Variants in KIF13A observed in about 807,000 individuals in gnomAD.
KIF13A encodes the protein kinesin-like protein KIF13A.
In KIF13A, 79 loss-of-function variants were observed where a neutral mutation model predicts 212.2. That is an observed-to-expected ratio of 0.37 (90% CI 0.31 to 0.45). The LOEUF is 0.45. Ranked by LOEUF, KIF13A falls within the 20% of genes least tolerant of loss-of-function variation. The pLI is 1.00. For synonymous variants in KIF13A, 789 were observed against 808.6 expected, an observed-to-expected ratio of 0.98 and a Z score of 0.41; for missense variants, 1,901 against 2,209.0, an observed-to-expected ratio of 0.86 and a Z score of 2.79.
chr6:17,984,204 C>T lies in KIF13A; in HGVS notation c.146+2850G>A, dbSNP rs1781349740. 6.6e-6 allele frequency among the ~76,000 whole-genome samples: 1 copy of T among 152,174 alleles called. No homozygotes were observed. Among genetic ancestry groups the T allele is most frequent in the African/African-American group, 2.4e-5 (1 of 41,436 alleles). ...AAGTATACACCAGCGTAATTTACCACGTTGTATTTTAACTACTTTTTCCTC... is the reference window on the plus strand; with the variant it reads ...AAGTATACACCAGCGTAATTTACCATGTTGTATTTTAACTACTTTTTCCTC... On this transcript the variant is annotated intron_variant, in intron 2 of 38. Coordinates refer to ENST00000259711, the MANE Select transcript of KIF13A (RefSeq NM_022113.6). This position sits in a 1 kb window ranked among gnomAD's most constrained non-coding sequence, Gnocchi z 5.0.
At chr6:17,862,751 A>G (rs147883713) in intron 4 of KIF13A, among the ~76,000 whole-genome samples, 2,775 of 152,270 alleles carry the variant, frequency 0.018, 95 homozygotes, top group African/African-American at 0.063. Context: ...GATTGAGACC[A>G]ACCTGGCTAA....
At position 17,777,246 on chromosome 6, in the gene KIF13A, T is replaced by C. The variant is rs769106211; in HGVS notation, c.4170+31A>G. 11 of 1,564,722 alleles carry C rather than the reference T, an allele frequency of 7.0e-6. No homozygotes were observed. The highest frequency in any genetic ancestry group is 1.7e-4 in the Middle Eastern group (1 of 6,006). ...ACCCCAGAGGCTGCGACATGTCACA[T>C]AGGAGCAGATCCTTGGCAGGATGCA... is the stretch of plus-strand genomic sequence containing the variant. On this transcript the variant is annotated intron_variant, in intron 34 of 38. Transcript: ENST00000259711. The surrounding 1 kb of genome is among the most constrained non-coding windows in gnomAD (Gnocchi z 4.4).
chr6:17,902,372 A>G (rs1475601630), intron 2 of KIF13A, among the ~76,000 whole-genome samples: 1 of 152,238 alleles, frequency 6.6e-6, no homozygotes, highest in Admixed American at 6.5e-5. Flanking sequence ...TAAACTAAAT[A>G]CAATTTGACA....
intron 4 of KIF13A, among the ~76,000 whole-genome samples, chr6:17,868,525 G>A (rs1240308547): frequency 1.3e-5 from 2 of 150,980 alleles, no homozygotes; most frequent in Non-Finnish European, 2.9e-5. Context: ...CCATGCTCCA[G>A]GTATCTAATT....
chr6:17,852,459 G>A (rs147497056), intron 6 of KIF13A, among the ~76,000 whole-genome samples: 6 of 152,194 alleles, frequency 3.9e-5, no homozygotes, highest in South Asian at 2.1e-4. Flanking sequence ...TCACTCTGTC[G>A]CCCAGGCTAG....
At chr6:17,885,191 C>A (rs936598319) in intron 3 of KIF13A, among the ~76,000 whole-genome samples, 2 of 152,064 alleles carry the variant, frequency 1.3e-5, no homozygotes, top group African/African-American at 4.8e-5. Context: ...ACCCCAGCAC[C>A]AAGAGCCTGT....
rs1317812848 is a variant in KIF13A, at chr6:17,963,589, G to A, written c.146+23465C>T. 1.3e-5 allele frequency among the ~76,000 whole-genome samples: 2 copies of A among 152,224 alleles called. No individual in the cohort carries two copies. Among genetic ancestry groups the A allele is most frequent in the Non-Finnish European group, 2.9e-5 (2 of 68,050 alleles). ...CTTTCTTTTTTTGAGACAGAGTCTT[G>A]CTGTGTCGCCTAGGCTGGAGTGCTG... On this transcript the variant is annotated intron_variant, in intron 2 of 38. Transcript: ENST00000259711. This position sits in a 1 kb window ranked among gnomAD's most constrained non-coding sequence, Gnocchi z 4.1.
chr6:17,867,754 T>A (rs192360650), intron 4 of KIF13A, among the ~76,000 whole-genome samples: 13 of 152,350 alleles, frequency 8.5e-5, no homozygotes, highest in African/African-American at 2.2e-4. Flanking sequence ...ATTGTAGAAC[T>A]CAGCTAAGAA....
rs1026106501 is a variant in KIF13A, at chr6:17,766,037, A to G, written c.4582-1091T>C. 2.6e-5 allele frequency among the ~76,000 whole-genome samples: 4 copies of G among 152,284 alleles called. 1 individual carries two copies. The East Asian group carries it at 5.8e-4, about 22-fold the overall frequency. On this transcript the variant is annotated intron_variant, in intron 38 of 38. Transcript: ENST00000259711. ...ACAATCCTGGATGCTGCATGGATGG[A>G]TAAGAATTTCATTCACAGGTAAACT...
chr6:17,946,830 A>T (rs1321747036), intron 2 of KIF13A, among the ~76,000 whole-genome samples: 1 of 152,242 alleles, frequency 6.6e-6, no homozygotes, highest in African/African-American at 2.4e-5. Flanking sequence ...GAACTGTAGT[A>T]TATTCATACA....
chr6:17,886,260 G>C lies in KIF13A; in HGVS notation c.159+11908C>G, dbSNP rs903214213. 7.2e-5 allele frequency among the ~76,000 whole-genome samples: 11 copies of C among 152,174 alleles called. No individual in the cohort carries two copies. The highest frequency in any genetic ancestry group is 1.5e-5 in the Non-Finnish European group (1 of 68,036). The stretch of plus-strand genomic sequence containing the variant: ...CTCATTTCTTGTGCCTATCTCTCCA[G>C]TCCCCTCTGCCTCACTGCACCATGC... On this transcript the variant is annotated intron_variant, in intron 3 of 38. Coordinates refer to ENST00000259711, the MANE Select transcript of KIF13A (RefSeq NM_022113.6). The surrounding 1 kb of genome is among the most constrained non-coding windows in gnomAD (Gnocchi z 5.6).
At chr6:17,974,001 T>A (rs758303422) in intron 2 of KIF13A, among the ~76,000 whole-genome samples, 1 of 152,254 alleles carries the variant, frequency 6.6e-6, no homozygotes, top group Non-Finnish European at 1.5e-5. Context: ...CCCTCTAATG[T>A]AATTCAAGTA....
At chr6:17,927,651 C>A (rs190985684) in intron 2 of KIF13A, among the ~76,000 whole-genome samples, 22 of 152,270 alleles carry the variant, frequency 1.4e-4, no homozygotes, top group African/African-American at 4.3e-4. Context: ...CACTTTTAAA[C>A]GGCTAAAATG....
chr6:17,853,169 C>A (rs780581609), intron 6 of KIF13A, among the ~76,000 whole-genome samples: 28 of 152,092 alleles, frequency 1.8e-4, no homozygotes, highest in Admixed American at 3.3e-4. Flanking sequence ...TCAGTTATGC[C>A]GTTTCATTTC....
At position 17,805,628 on chromosome 6, in the gene KIF13A, G is replaced by C; in HGVS notation, c.2164-13C>G. On this transcript the variant is annotated splice_polypyrimidine_tract_variant and intron_variant, in intron 18 of 38. Transcript: ENST00000259711. ...CTATTGCACCTCTCTGCATAAGGAA[G>C]AAAAACAAAACAAACCCTGTTATAA... The C allele has an allele frequency of 6.3e-7, 1 of 1,583,472 alleles. No individual in the cohort carries two copies. Among genetic ancestry groups the C allele is most frequent in the Non-Finnish European group, 8.6e-7 (1 of 1,163,914 alleles).
At chr6:17,848,307 C>G (rs559699880) in intron 9 of KIF13A, among the ~76,000 whole-genome samples, 5 of 152,238 alleles carry the variant, frequency 3.3e-5, no homozygotes, top group African/African-American at 4.8e-5. Context: ...AACATACTGT[C>G]AATTACAGTC....
intron 14 of KIF13A, among the ~76,000 whole-genome samples, chr6:17,827,267 G>A (rs996456231): frequency 1.3e-5 from 2 of 150,134 alleles, no homozygotes; most frequent in East Asian, 4.0e-4. Context: ...CTCATTTTTC[G>A]TATTTTTTTG....
At chr6:17,943,252 C>T (rs1014598086) in intron 2 of KIF13A, among the ~76,000 whole-genome samples, 1 of 152,046 alleles carries the variant, frequency 6.6e-6, no homozygotes, top group Non-Finnish European at 1.5e-5. Flanking sequence ...AAGAACTGGT[C>T]ACTGAAAAAC....
intron 2 of KIF13A, chr6:17,950,649 T>C (rs1777768725): frequency 2.0e-6 from 2 of 985,254 alleles, no homozygotes. Flanking sequence ...TATCTCTCAA[T>C]CTGAGGAATT....
Sources: gnomAD v4.1 joint callset for allele counts (sites outside exome capture counted in the v4.1 genomes callset) on GRCh38, gnomAD v4.1.1 for gene constraint, Gnocchi (gnomAD v3.1) non-coding constraint, MANE v1.5 for transcripts, NCBI Gene and HGNC (gene_info 2026-07-23, HGNC 2026-07-21) for gene names.